CAB39: variants seen among roughly 807,000 people sequenced by gnomAD.
The protein encoded by CAB39 is calcium binding protein 39.
Under a neutral mutation model 40.0 loss-of-function variants are expected in CAB39, and 8 were observed. That is an observed-to-expected ratio of 0.20 (90% CI 0.12 to 0.36). The LOEUF (loss-of-function observed/expected upper bound fraction) is 0.36. Ranked by LOEUF, CAB39 falls within the 10% of genes least tolerant of loss-of-function variation. The pLI is 1.00. For missense variants in CAB39, 270 were observed against 401.1 expected, an observed-to-expected ratio of 0.67 and a Z score of 2.79; for synonymous variants, 156 against 141.6, an observed-to-expected ratio of 1.10 and a Z score of -0.72.
At chr2:230,717,092 CGTCTTT>C (rs1694363737) in intron 1 of CAB39, among the ~76,000 whole-genome samples, 1 of 152,034 alleles carries the variant, frequency 6.6e-6, no homozygotes, top group Non-Finnish European at 1.5e-5. Flanking sequence ...ATTTTATGAA[CGTCTTT>C]ACATGTTACA....
chr2:230,752,353 T>C (rs752336588), intron 1 of CAB39: 1 of 152,116 alleles, frequency 6.6e-6, no homozygotes, highest in East Asian at 1.9e-4. Context: ...TAACGAAATA[T>C]ACGAGTCTGG....
At chr2:230,729,477 G>A (rs1338696352) in intron 1 of CAB39, among the ~76,000 whole-genome samples, 10 of 152,178 alleles carry the variant, frequency 6.6e-5, no homozygotes, top group African/African-American at 2.4e-4. Flanking sequence ...AGTGCCCGGC[G>A]TGGTGGCTCA....
chr2:230,719,496 A>G (rs896009802), intron 1 of CAB39, among the ~76,000 whole-genome samples: 1 of 152,260 alleles, frequency 6.6e-6, no homozygotes, highest in African/African-American at 2.4e-5. Flanking sequence ...ACAATCTAAA[A>G]GAGATGGTTT....
rs1311351042 is a variant in CAB39 at position 230,748,830 on chromosome 2, AAATATATATATATATATAT to A, written c.-43-11127_-43-11109del. 1.4e-3 allele frequency among the ~76,000 whole-genome samples: 73 copies of A among 50,658 alleles called. 2 individuals are homozygous for A. Among genetic ancestry groups the A allele is most frequent in the African/African-American group, 8.5e-3 (70 of 8,190 alleles). 33.2% of individuals were successfully genotyped at this position (50,658 alleles called of 152,430 possible). On this transcript the variant is annotated intron_variant, in intron 1 of 8. Coordinates refer to ENST00000258418, the MANE Select transcript of CAB39 (RefSeq NM_016289.4). Reference sequence around the variant, plus strand: ...TCCAAAAAGAAAAAAAAAAAAAAAAAAATATATATATATATATATATATATATATATATATATAACAAAA... The same window carrying A: ...TCCAAAAAGAAAAAAAAAAAAAAAAAATATATATATATATATATAACAAAA...
chr2:230,801,138 G>GC (rs942572724), intron 5 of CAB39, among the ~76,000 whole-genome samples: 78 of 152,226 alleles, frequency 5.1e-4, no homozygotes, highest in African/African-American at 1.6e-3. Context: ...GAGAGGAGAG[G>GC]CCCCCCAAAA....
In CAB39 at chr2:230,748,831, AATATATATAT is replaced by A. The variant is rs71052546; in HGVS notation, c.-43-11100_-43-11091del. 7.3e-3 allele frequency among the ~76,000 whole-genome samples: 208 copies of A among 28,440 alleles called. 5 individuals are homozygous for A. The highest frequency in any genetic ancestry group is 0.019 in the African/African-American group (151 of 7,926). The allele number at this position is 28,440 out of a possible 152,430, so 18.7% of individuals were successfully genotyped here. A position where few individuals can be genotyped will look rare whatever the true frequency, so the allele number is the denominator to read the frequency against. ...CCAAAAAGAAAAAAAAAAAAAAAAA[AATATATATAT>A]ATATATATATATATATATATATATA... On this transcript the variant is annotated intron_variant, in intron 1 of 8. Coordinates refer to ENST00000258418, the MANE Select transcript of CAB39 (RefSeq NM_016289.4).
chr2:230,749,047 T>C (rs1695039508), intron 1 of CAB39, among the ~76,000 whole-genome samples: 1 of 148,168 alleles, frequency 6.7e-6, no homozygotes, highest in African/African-American at 2.5e-5. Flanking sequence ...GTTGCATTGT[T>C]GCCTTCACAA....
At chr2:230,742,130 T>G (rs974250613) in intron 1 of CAB39, among the ~76,000 whole-genome samples, 2 of 151,988 alleles carry the variant, frequency 1.3e-5, no homozygotes, top group East Asian at 3.9e-4. Flanking sequence ...ATAAAAAGAT[T>G]TACAGATAAG....
chr2:230,758,297 CAAAAAAAA>C (rs201939916), intron 1 of CAB39, among the ~76,000 whole-genome samples: 2 of 73,442 alleles, frequency 2.7e-5, no homozygotes, highest in Admixed American at 2.8e-4. Flanking sequence ...AGCGAGACTC[CAAAAAAAA>C]AAAAAAAAAA....
At chr2:230,810,400 T>C in intron 6 of CAB39, 78 bp downstream of exon 6, 3 of 571,440 alleles carry the variant, frequency 5.2e-6, no homozygotes, top group Middle Eastern at 4.0e-4. Context: ...CATTAGGTTT[T>C]TGTACTAGAA....
At chr2:230,791,280 T>C (rs908589983) in intron 3 of CAB39, among the ~76,000 whole-genome samples, 4 of 152,318 alleles carry the variant, frequency 2.6e-5, no homozygotes, top group Middle Eastern at 3.4e-3. Context: ...TTCTTAGATA[T>C]TCATTATGCC....
chr2:230,720,127 CGT>C (rs1182177949), intron 1 of CAB39, among the ~76,000 whole-genome samples: 1 of 152,146 alleles, frequency 6.6e-6, no homozygotes, highest in Admixed American at 6.5e-5. Flanking sequence ...ACATCAGTTT[CGT>C]TGTCACAATT....
At chr2:230,729,610 G>T (rs1694650837) in intron 1 of CAB39, among the ~76,000 whole-genome samples, 1 of 151,842 alleles carries the variant, frequency 6.6e-6, no homozygotes, top group African/African-American at 2.4e-5. Flanking sequence ...AAAATCAGCT[G>T]GGCGTGGTGG....
intron 1 of CAB39, among the ~76,000 whole-genome samples, chr2:230,737,469 G>A (rs1694806808): frequency 6.6e-6 from 1 of 152,118 alleles, no homozygotes; most frequent in Non-Finnish European, 1.5e-5. Context: ...TTGGCCGTAT[G>A]GTTAACAATA....
Position 230,790,977 on chromosome 2 carries a change from C to T in CAB39, c.220C>T (p.Leu74Phe). Residue 74 changes from leucine (L) to phenylalanine (F), a missense_variant, in exon 3 of 9, where the codon CTC becomes TTC. Transcript: ENST00000258418. ...AGCAGTAGCTCAACTTGCTCAAGAA[C>T]TCTATAATAGTGGGCTCCTTAGCAC... ...TEAVAQLAQE[L>F]YNSGLLSTLV... 1 of 1,613,214 alleles carries T rather than the reference C, an allele frequency of 6.2e-7. No homozygotes were observed. The highest frequency in any genetic ancestry group is 8.5e-7 in the Non-Finnish European group (1 of 1,179,274).
At position 230,819,869 on chromosome 2, in the gene CAB39, A is replaced by G. The variant is rs1350937709; in HGVS notation, c.*1165A>G. The G allele has an allele frequency of 6.6e-6, 1 of 152,620 alleles. No homozygotes were observed. The highest frequency in any genetic ancestry group is 1.5e-5 in the Non-Finnish European group (1 of 68,040). The allele number at this position is 152,620 out of a possible 1,614,324, so 9.5% of individuals were successfully genotyped here. Reference sequence around the variant, plus strand: ...ATGCTGATTCTTTGTGTGTGTGGGAAATCTCTGTAGAGCACCTTTTCTTTC... The same window carrying G: ...ATGCTGATTCTTTGTGTGTGTGGGAGATCTCTGTAGAGCACCTTTTCTTTC... On this transcript the variant is annotated 3_prime_UTR_variant, in exon 9 of 9. Transcript: ENST00000258418.
rs1036676094 is a variant in CAB39, at chr2:230,817,033, G to A, written c.694-721G>A. 3.9e-5 allele frequency among the ~76,000 whole-genome samples: 6 copies of A among 152,246 alleles called. 1 individual carries two copies. The highest frequency in any genetic ancestry group is 1.3e-4 in the Admixed American group (2 of 15,292). On this transcript the variant is annotated intron_variant, in intron 7 of 8. Coordinates refer to ENST00000258418, the MANE Select transcript of CAB39 (RefSeq NM_016289.4). ...AGAAGTGACTGCTGGTTTTAGGAAAGAGTAAGCCGTGACAGTTTAAAAGTT... is the reference window on the plus strand; with the variant it reads ...AGAAGTGACTGCTGGTTTTAGGAAAAAGTAAGCCGTGACAGTTTAAAAGTT...
intron 2 of CAB39, among the ~76,000 whole-genome samples, chr2:230,786,237 T>C (rs1695791861): frequency 6.9e-6 from 1 of 145,696 alleles, no homozygotes; most frequent in African/African-American, 2.5e-5. Flanking sequence ...ACTCCTAGGC[T>C]CAAGTGATCT....
intron 1 of CAB39, among the ~76,000 whole-genome samples, chr2:230,740,141 C>T (rs897095123): frequency 1.3e-5 from 2 of 152,154 alleles, no homozygotes; most frequent in African/African-American, 2.4e-5. Flanking sequence ...GTAGTCTGTA[C>T]GCCACCAGTG....
Sources: allele counts gnomAD v4.1 joint callset (sites outside exome capture counted in the v4.1 genomes callset), GRCh38; gene constraint gnomAD v4.1.1; transcripts MANE v1.5; gene names NCBI Gene and HGNC (gene_info 2026-07-23, HGNC 2026-07-21).